Variants in NEK10 observed in about 807,000 individuals in gnomAD.
NEK10 encodes NIMA related kinase 10.
In NEK10, 122 loss-of-function variants were observed where a neutral mutation model predicts 159.8. That is an observed-to-expected ratio of 0.76 (90% CI 0.66 to 0.89). NEK10 has a LOEUF of 0.89. Ranked by LOEUF, NEK10 falls within the 40% of genes least tolerant of loss-of-function variation. The pLI is 0.00. For missense variants in NEK10, 1,342 were observed against 1,323.1 expected, an observed-to-expected ratio of 1.01 and a Z score of -0.22; for synonymous variants, 466 against 457.1, an observed-to-expected ratio of 1.02 and a Z score of -0.25.
chr3:27,259,827 A>G (rs1003653061), intron 22 of NEK10, among the ~76,000 whole-genome samples: 28 of 152,104 alleles, frequency 1.8e-4, no homozygotes, highest in African/African-American at 6.0e-4. Context: ...CCATTTTCAC[A>G]ATATTGATTC....
At chr3:27,350,023 G>A (rs1246477379) in intron 3 of NEK10, among the ~76,000 whole-genome samples, 3 of 152,188 alleles carry the variant, frequency 2.0e-5, no homozygotes, top group African/African-American at 7.2e-5. Context: ...GAGATCCAGA[G>A]GAAGGGCATT....
chr3:27,169,311 T>G (rs1247683950), intron 29 of NEK10, among the ~76,000 whole-genome samples: 1 of 152,186 alleles, frequency 6.6e-6, no homozygotes, highest in Admixed American at 6.5e-5. Context: ...ATCTTCTAAC[T>G]CAGATCTCCA....
At position 27,212,148 on chromosome 3, in the gene NEK10, T is replaced by G. The variant is rs1559620396; in HGVS notation, c.2091-9591A>C. On this transcript the variant is annotated intron_variant, in intron 23 of 35. Coordinates refer to ENST00000691995, the MANE Select transcript of NEK10 (RefSeq NM_001394966.1). ...GACAGAGTCAACAATATTTTCCAAA[T>G]TAAAATTTGTTCTATCAAAACAAAT... is the stretch of plus-strand genomic sequence containing the variant. Among the ~76,000 whole-genome samples, 3 of 152,230 alleles carry G rather than the reference T, an allele frequency of 2.0e-5. No homozygotes were observed. In the East Asian group the frequency reaches 5.8e-4, roughly 29 times the overall value.
In NEK10 at chr3:27,174,786, G is replaced by A. The variant is rs777599695; in HGVS notation, c.2553C>T (p.Ala851=). ...ASLSSSSSGA[A]SLKSELSESA... Reference sequence around the variant, plus strand: ...TTTCTGAAAGTTCACTTTTCAGGCTGGCTGCTCCACTGCTGCTGCTACTCA... The same window carrying A: ...TTTCTGAAAGTTCACTTTTCAGGCTAGCTGCTCCACTGCTGCTGCTACTCA... The change falls in exon 27 of 36, where the codon GCC becomes GCT. Residue 851 remains alanine, a synonymous_variant. Transcript: ENST00000691995. 1.2e-6 allele frequency: 2 copies of A among 1,610,632 alleles called. No homozygotes were observed. Among genetic ancestry groups the A allele is most frequent in the Non-Finnish European group, 1.7e-6 (2 of 1,178,802 alleles).
At chr3:27,183,622 T>C (rs911812111) in intron 26 of NEK10, among the ~76,000 whole-genome samples, 1 of 151,964 alleles carries the variant, frequency 6.6e-6, no homozygotes, top group Admixed American at 6.6e-5. Context: ...CCAAAAAATG[T>C]CATTAATTTA....
chr3:27,285,525 A>C (rs771070111), intron 20 of NEK10, among the ~76,000 whole-genome samples: 23,866 of 135,930 alleles, frequency 0.18, 2,072 homozygotes, highest in Non-Finnish European at 0.21. Context: ...AAAGCAAAAA[A>C]AAAAAAACAA....
At chr3:27,214,391 A>C (rs1951291440) in intron 23 of NEK10, among the ~76,000 whole-genome samples, 1 of 152,170 alleles carries the variant, frequency 6.6e-6, no homozygotes. Context: ...ATTTCTAGGT[A>C]AAAGTTAAAA....
chr3:27,126,485 G>A (rs946270555), intron 32 of NEK10, among the ~76,000 whole-genome samples: 2 of 152,068 alleles, frequency 1.3e-5, no homozygotes, highest in African/African-American at 4.8e-5. Context: ...AAAGTCTCAA[G>A]CCTGTTGGAT....
At chr3:27,243,646 T>C (rs1360021992) in intron 23 of NEK10, among the ~76,000 whole-genome samples, 1 of 152,200 alleles carries the variant, frequency 6.6e-6, no homozygotes, top group African/African-American at 2.4e-5. Context: ...GCATAGAATA[T>C]GGCACATTTA....
chr3:27,264,892 CTAAATAAATAAATAAATAAA>C lies in NEK10; in HGVS notation c.2015-8541_2015-8522del, dbSNP rs147191294. On this transcript the variant is annotated intron_variant, in intron 22 of 35. Transcript: ENST00000691995. ...CTGGGCAACATGAGCGAAAATCAGT[CTAAATAAATAAATAAATAAA>C]TAAATAAATAAATAAATAAATAAAT... Among the ~76,000 whole-genome samples the C allele has an allele frequency of 3.1e-3, 449 of 144,800 alleles. 4 individuals are homozygous for C. The highest frequency in any genetic ancestry group is 0.011 in the African/African-American group (432 of 39,102). 95.0% of individuals were successfully genotyped at this position (144,800 alleles called of 152,430 possible). A position where few individuals can be genotyped will look rare whatever the true frequency, so the allele number is the denominator to read the frequency against.
At chr3:27,232,844 T>C (rs144528733) in intron 23 of NEK10, among the ~76,000 whole-genome samples, 12 of 152,104 alleles carry the variant, frequency 7.9e-5, no homozygotes, top group African/African-American at 2.4e-4. Flanking sequence ...GGTTCTGAGA[T>C]AACTGGCAAG....
rs1939202214 is a variant in NEK10 at position 27,108,437 on chromosome 3, T to G, written c.*2835A>C. Among the ~76,000 whole-genome samples, 1 of 152,176 alleles carries G rather than the reference T, an allele frequency of 6.6e-6. No homozygotes were observed. Among genetic ancestry groups the G allele is most frequent in the South Asian group, 2.1e-4 (1 of 4,832 alleles). On this transcript the variant is annotated 3_prime_UTR_variant, in exon 36 of 36. Transcript: ENST00000691995. ...AGTCACTTCCCTGAGAATGAAACAT[T>G]TTGCTTTTAAAAAGCAAATTAAGGT...
intron 5 of NEK10, among the ~76,000 whole-genome samples, chr3:27,330,926 A>G (rs565529951): frequency 3.6e-4 from 55 of 152,236 alleles, no homozygotes; most frequent in African/African-American, 1.3e-3. Context: ...CCGTTATAAC[A>G]TTTTTTAGTA....
At chr3:27,143,117 A>G (rs1943946572) in intron 30 of NEK10, among the ~76,000 whole-genome samples, 1 of 152,222 alleles carries the variant, frequency 6.6e-6, no homozygotes, top group African/African-American at 2.4e-5. Context: ...GAGATGGCCA[A>G]GTGTACACAT....
intron 23 of NEK10, among the ~76,000 whole-genome samples, chr3:27,236,176 G>A (rs1300053154): frequency 6.6e-6 from 1 of 151,958 alleles, no homozygotes; most frequent in Non-Finnish European, 1.5e-5. Context: ...AGGAGAGAGA[G>A]GATCAGGAAA....
At chr3:27,364,842 C>T (rs1241568574) in intron 1 of NEK10, among the ~76,000 whole-genome samples, 1 of 152,202 alleles carries the variant, frequency 6.6e-6, no homozygotes, top group Non-Finnish European at 1.5e-5. Context: ...CAAACATTTA[C>T]ATGGTAGTGC....
Position 27,202,531 on chromosome 3 carries a change from T to C in NEK10, c.2117A>G (p.Tyr706Cys). 2 of 1,612,190 alleles carry C rather than the reference T, an allele frequency of 1.2e-6. No individual in the cohort carries two copies. The highest frequency in any genetic ancestry group is 1.7e-6 in the Non-Finnish European group (2 of 1,178,942). ...TGCCCAGACATCAGCCTTCTCCCCA[T>C]ACGGCTCACTCTTCAGTACCTCGGG... ...SCPEVLKSEP[Y>C]GEKADVWAVG... The change falls in exon 24 of 36, where the codon TAT becomes TGT. Residue 706 changes from tyrosine to cysteine, a missense_variant. Transcript: ENST00000691995.
chr3:27,231,029 A>C (rs1187056410), intron 23 of NEK10, among the ~76,000 whole-genome samples: 2 of 152,054 alleles, frequency 1.3e-5, no homozygotes, highest in Non-Finnish European at 2.9e-5. Flanking sequence ...AGGTATTTAC[A>C]GAACACTCTT....
intron 23 of NEK10, among the ~76,000 whole-genome samples, chr3:27,210,029 G>A (rs1950870520): frequency 7.4e-6 from 1 of 135,938 alleles, no homozygotes; most frequent in Non-Finnish European, 1.6e-5. Flanking sequence ...ACCTTTGAAA[G>A]TCTGATAAGA....
Sources: gnomAD v4.1 joint callset for allele counts (sites outside exome capture counted in the v4.1 genomes callset) on GRCh38, gnomAD v4.1.1 for gene constraint, MANE v1.5 for transcripts, NCBI Gene and HGNC (gene_info 2026-07-23, HGNC 2026-07-21) for gene names.